ERMARD: variants seen among roughly 807,000 people sequenced by gnomAD.
ERMARD encodes the protein endoplasmic reticulum membrane-associated RNA degradation protein.
A neutral mutation model predicts 83.9 loss-of-function variants in ERMARD; 71 were observed. The observed-to-expected ratio is 0.85, with a 90% CI of 0.70 to 1.03. ERMARD has a LOEUF of 1.03. Ranked by LOEUF, ERMARD falls within the 50% of genes least tolerant of loss-of-function variation. The probability of loss-of-function intolerance (pLI) is 0.00; values close to 1 mark genes in which losing one functional copy is unlikely to be tolerated. For missense variants in ERMARD, 838 were observed against 810.9 expected (o/e 1.03, Z -0.41); for synonymous variants, 284 against 298.6 (o/e 0.95, Z 0.50).
chr6:169,773,093 A>T, intron 12 of ERMARD: 1 of 449,436 alleles, frequency 2.2e-6, no homozygotes. Flanking sequence ...TGGGTGTGGC[A>T]TTTGTGATCT....
At chr6:169,766,134 G>A (rs1379778634) in intron 9 of ERMARD, among the ~76,000 whole-genome samples, 1 of 152,194 alleles carries the variant, frequency 6.6e-6, no homozygotes, top group African/African-American at 2.4e-5. Context: ...GAGTTCAATC[G>A]GTTGCCTGTA....
rs568212417 is a variant in ERMARD, at chr6:169,760,109, G to A, written c.742+135G>A. ...CAGTAGTCGGATGGCTTTCAGAGTT[G>A]CTTGAAGAACCTCCTACATTTTACC... On this transcript the variant is annotated intron_variant, in intron 7 of 17. Transcript: ENST00000366773. 5 of 1,471,856 alleles carry A rather than the reference G, an allele frequency of 3.4e-6. No individual in the cohort carries two copies. The East Asian group carries it at 1.2e-4, about 35-fold the overall frequency. The allele number at this position is 1,471,856 out of a possible 1,614,324, so 91.2% of individuals were successfully genotyped here.
chr6:169,761,046 A>G (rs765544267), intron 8 of ERMARD, among the ~76,000 whole-genome samples: 7 of 152,242 alleles, frequency 4.6e-5, no homozygotes, highest in Non-Finnish European at 8.8e-5. Context: ...ATCATGAAAC[A>G]TAGATAAGCC....
intron 12 of ERMARD, among the ~76,000 whole-genome samples, chr6:169,772,312 C>T (rs532881319): frequency 5.9e-5 from 9 of 152,340 alleles, no homozygotes; most frequent in Admixed American, 1.3e-4. Context: ...CCTGCGGGGA[C>T]GTCACCCATG....
chr6:169,767,882 C>G, intron 10 of ERMARD: 1 of 568,378 alleles, frequency 1.8e-6, no homozygotes, highest in Non-Finnish European at 3.1e-6. Context: ...TACACAAACA[C>G]ACATGTGTAT....
chr6:169,775,748 A>C (rs1793511042), intron 14 of ERMARD, 192 bp from the exon 15 acceptor site: 1 of 691,636 alleles, frequency 1.4e-6, no homozygotes, highest in Non-Finnish European at 2.4e-6. Context: ...TCGTCACTGG[A>C]CTTTGCTCTT....
chr6:169,776,156 A>C (rs1793568878), intron 15 of ERMARD, 91 bp downstream of exon 15: 3 of 1,571,030 alleles, frequency 1.9e-6, no homozygotes, highest in Non-Finnish European at 2.6e-6. Context: ...TAGATTTTAT[A>C]AACTTGGTAG....
intron 1 of ERMARD, chr6:169,752,902 C>T (rs1248833594): frequency 6.6e-6 from 1 of 152,194 alleles, no homozygotes; most frequent in African/African-American, 2.4e-5. Context: ...TTCGGAGTGA[C>T]CCCTTTAACA....
intron 12 of ERMARD, chr6:169,773,111 T>A: frequency 1.9e-6 from 1 of 518,962 alleles, no homozygotes; most frequent in Non-Finnish European, 3.4e-6. Flanking sequence ...TCTATTATTG[T>A]TAATGGCCTC....
chr6:169,779,689 C>T (rs947237059), intron 17 of ERMARD, among the ~76,000 whole-genome samples: 2 of 152,170 alleles, frequency 1.3e-5, no homozygotes, highest in African/African-American at 4.8e-5. Flanking sequence ...GATGAGGTCT[C>T]ACTATGTTGC....
intron 17 of ERMARD, among the ~76,000 whole-genome samples, chr6:169,780,888 C>T (rs999883324): frequency 5.9e-5 from 9 of 152,162 alleles, no homozygotes; most frequent in Non-Finnish European, 1.0e-4. Context: ...AATCTCATTG[C>T]GAAACCCACA....
chr6:169,775,767 G>T, intron 14 of ERMARD, 173 bp from the exon 15 acceptor site: 1 of 806,674 alleles, frequency 1.2e-6, no homozygotes, highest in South Asian at 1.9e-5. Flanking sequence ...TTGGCATATG[G>T]CATCGTTTGT....
intron 9 of ERMARD, among the ~76,000 whole-genome samples, chr6:169,766,183 C>T (rs1028017109): frequency 1.3e-5 from 2 of 152,238 alleles, no homozygotes; most frequent in Non-Finnish European, 2.9e-5. Flanking sequence ...GGGATCAGAA[C>T]TCAGGACAGC....
In ERMARD at chr6:169,759,916, A is replaced by G. The variant is rs148910158; in HGVS notation, c.684A>G (p.Thr228=). Residue 228 remains threonine (T), a synonymous_variant, in exon 7 of 18, where the codon ACA becomes ACG. Transcript: ENST00000366773. Reference sequence around the variant, plus strand: ...GTTACCTTCAAAACACTAAACTTACATTGGCACATCGCTCTTTCATATCTC... The same window carrying G: ...GTTACCTTCAAAACACTAAACTTACGTTGGCACATCGCTCTTTCATATCTC... ...LKSYLQNTKL[T]LAHRSFISLT... is the part of the protein sequence containing the mutation. The G allele has an allele frequency of 3.1e-6, 5 of 1,614,064 alleles. No homozygotes were observed. The highest frequency in any genetic ancestry group is 1.6e-4 in the Middle Eastern group (1 of 6,084).
Position 169,769,606 on chromosome 6 carries a change from G to A in ERMARD, c.1126G>A (p.Glu376Lys). 6.2e-7 allele frequency: 1 copy of A among 1,613,324 alleles called. No homozygotes were observed. ...CATAAGAGATCATTTAAGCCACGGG[G>A]AGATCAACTTACATGAATTTTCAAA... ...PRIRDHLSHG[E>K]INLHEFSKET... is the part of the protein sequence containing the mutation. Residue 376 changes from glutamate (E) to lysine (K), a missense_variant, in exon 12 of 18, where the codon GAG becomes AAG. Glu to Lys is a moderately conservative substitution (Grantham distance 56, BLOSUM62 1). Transcript: ENST00000366773.
chr6:169,765,097 C>A (rs1792038786), intron 9 of ERMARD, among the ~76,000 whole-genome samples: 2 of 152,238 alleles, frequency 1.3e-5, no homozygotes, highest in Non-Finnish European at 2.9e-5. Context: ...TGGGCCCCAC[C>A]CATTAGAGCC....
intron 12 of ERMARD, 144 bp from the exon 13 acceptor site, chr6:169,773,175 A>T: frequency 3.2e-6 from 2 of 620,958 alleles, no homozygotes; most frequent in Non-Finnish European, 2.8e-6. Flanking sequence ...AGCCTATTTT[A>T]ATGAAGCACT....
chr6:169,759,421 G>T (rs1479165533), intron 6 of ERMARD, among the ~76,000 whole-genome samples: 3 of 152,038 alleles, frequency 2.0e-5, no homozygotes, highest in East Asian at 3.9e-4. Context: ...AGAGAATTTT[G>T]TGCAATTTTT....
intron 5 of ERMARD, among the ~76,000 whole-genome samples, chr6:169,757,265 A>G (rs1251336251): frequency 6.6e-6 from 1 of 152,130 alleles, no homozygotes; most frequent in Non-Finnish European, 1.5e-5. Context: ...CTTTAGGGAA[A>G]AATTGTATCA....
Sources: allele counts gnomAD v4.1 joint callset (sites outside exome capture counted in the v4.1 genomes callset), GRCh38; gene constraint gnomAD v4.1.1; transcripts MANE v1.5; gene names NCBI Gene and HGNC (gene_info 2026-07-23, HGNC 2026-07-21).